Variants in PRPSAP2 observed in about 807,000 individuals in gnomAD.
PRPSAP2 encodes the protein phosphoribosyl pyrophosphate synthetase associated protein 2.
PRPSAP2 carries 24 observed loss-of-function variants against 40.6 expected under a neutral mutation model. That is an observed-to-expected ratio of 0.59 (90% CI 0.43 to 0.83). PRPSAP2 has a LOEUF of 0.83. Ranked by LOEUF, PRPSAP2 falls within the 40% of genes least tolerant of loss-of-function variation. The pLI is 0.00. For missense variants in PRPSAP2, 292 were observed against 465.6 expected (o/e 0.63, Z 3.43); for synonymous variants, 149 against 164.7 (o/e 0.90, Z 0.73).
At position 18,890,484 on chromosome 17, in the gene PRPSAP2, A is replaced by G. The variant is rs879086553; in HGVS notation, c.584+607A>G. Among the ~76,000 whole-genome samples, 7 of 151,862 alleles carry G rather than the reference A, an allele frequency of 4.6e-5. 1 individual carries two copies. Among genetic ancestry groups the G allele is most frequent in the Admixed American group, 3.3e-4 (5 of 15,218 alleles). ...CACACTGGGCCTTATTTTTATTTTT[A>G]ATAGTAGAAACAGAGTTTTGCCATG... On this transcript the variant is annotated intron_variant, in intron 8 of 11. Coordinates refer to ENST00000268835, the MANE Select transcript of PRPSAP2 (RefSeq NM_002767.4).
intron 3 of PRPSAP2, 114 bp from the exon 4 acceptor site, chr17:18,867,165 TAAG>T (rs1390510362): frequency 4.7e-6 from 5 of 1,068,068 alleles, no homozygotes; most frequent in African/African-American, 1.6e-5. Flanking sequence ...TTAAATTTTA[TAAG>T]AAGAATAACT....
At chr17:18,918,074 G>GA (rs566887888) in intron 9 of PRPSAP2, among the ~76,000 whole-genome samples, 16 of 150,810 alleles carry the variant, frequency 1.1e-4, no homozygotes, top group East Asian at 3.9e-4. Flanking sequence ...TAAATAGAGG[G>GA]AAAAAAAAAC....
rs1054665058 is a variant in PRPSAP2, at chr17:18,906,679, T to C, written c.585-4424T>C. ...AAAAGTATATTGAAAATAGGATGAT[T>C]TAAGCATGAGTTTTTTGTGTGTTTG... On this transcript the variant is annotated intron_variant, in intron 8 of 11. Coordinates refer to ENST00000268835, the MANE Select transcript of PRPSAP2 (RefSeq NM_002767.4). Among the ~76,000 whole-genome samples, 9 of 152,040 alleles carry C rather than the reference T, an allele frequency of 5.9e-5. No homozygotes were observed. In the South Asian group the frequency reaches 1.9e-3, roughly 32 times the overall value.
At chr17:18,872,728 A>C in intron 5 of PRPSAP2, 79 bp downstream of exon 5, 1 of 1,160,380 alleles carries the variant, frequency 8.6e-7, no homozygotes, top group South Asian at 1.4e-5. Flanking sequence ...ATGGCTAGCC[A>C]GGAAGAGTTA....
In PRPSAP2 at chr17:18,903,768, A is replaced by G. The variant is rs145210240; in HGVS notation, c.585-7335A>G. ...GTAAAATAAAAAGGTATTGTGAGCA[A>G]GAGCTCTGTCGACATGGCATCAACA... On this transcript the variant is annotated intron_variant, in intron 8 of 11. Transcript: ENST00000268835. 8.5e-5 allele frequency among the ~76,000 whole-genome samples: 13 copies of G among 152,182 alleles called. No homozygotes were observed. The South Asian group carries it at 1.0e-3, about 12-fold the overall frequency.
chr17:18,898,666 C>T (rs111541848), intron 8 of PRPSAP2, among the ~76,000 whole-genome samples: 5 of 152,220 alleles, frequency 3.3e-5, no homozygotes, highest in Non-Finnish European at 7.4e-5. Flanking sequence ...AATTATTTTT[C>T]AAGATTATTT....
intron 8 of PRPSAP2, among the ~76,000 whole-genome samples, chr17:18,890,273 G>A (rs2039461209): frequency 1.3e-5 from 2 of 151,946 alleles, no homozygotes; most frequent in African/African-American, 4.8e-5. Flanking sequence ...GGGTTCAAGC[G>A]ATTCTCCTGC....
At chr17:18,900,146 G>A (rs6502676) in intron 8 of PRPSAP2, among the ~76,000 whole-genome samples, 80,378 of 151,826 alleles carry the variant, frequency 0.53, 21,511 homozygotes, top group Middle Eastern at 0.6. Flanking sequence ...CAGCCTCCCA[G>A]ACTGCTGGGA....
chr17:18,912,096 C>T (rs143232598), intron 9 of PRPSAP2, among the ~76,000 whole-genome samples: 4 of 151,966 alleles, frequency 2.6e-5, no homozygotes, highest in Non-Finnish European at 4.4e-5. Context: ...GCAGGAGAAT[C>T]GCTTGAACCC....
chr17:18,862,262 A>G (rs934542920), intron 1 of PRPSAP2, among the ~76,000 whole-genome samples: 2 of 152,186 alleles, frequency 1.3e-5, no homozygotes, highest in Non-Finnish European at 2.9e-5. Context: ...GGGCTGTTCA[A>G]GCTTCTGTTG....
chr17:18,906,191 C>T (rs372278693), intron 8 of PRPSAP2, among the ~76,000 whole-genome samples: 12 of 152,060 alleles, frequency 7.9e-5, no homozygotes, highest in East Asian at 5.8e-4. Flanking sequence ...TGTTTACTTA[C>T]GTGTGTCTGA....
At chr17:18,866,431 G>A (rs1214831630) in intron 3 of PRPSAP2, among the ~76,000 whole-genome samples, 2 of 152,126 alleles carry the variant, frequency 1.3e-5, no homozygotes, top group Non-Finnish European at 2.9e-5. Flanking sequence ...GGGCGTGGTG[G>A]CGGGCACCTG....
At chr17:18,908,787 G>A in intron 8 of PRPSAP2, 1 of 685,840 alleles carries the variant, frequency 1.5e-6, no homozygotes, top group East Asian at 2.7e-5. Flanking sequence ...AAACGATCAT[G>A]CCAAAAAAAG....
chr17:18,908,211 G>A (rs758131058), intron 8 of PRPSAP2: 28 of 678,236 alleles, frequency 4.1e-5, no homozygotes, highest in South Asian at 6.4e-5. Flanking sequence ...AAGAGGCCAC[G>A]GAGCCAGCGA....
chr17:18,869,331 C>T (rs899752741), intron 4 of PRPSAP2, among the ~76,000 whole-genome samples: 3 of 133,756 alleles, frequency 2.2e-5, no homozygotes, highest in Non-Finnish European at 3.3e-5. Context: ...ATTTTCTTTT[C>T]TTTTCTTTTC....
chr17:18,901,700 T>G (rs1567720934), intron 8 of PRPSAP2, among the ~76,000 whole-genome samples: 2 of 151,446 alleles, frequency 1.3e-5, no homozygotes, highest in Non-Finnish European at 2.9e-5. Flanking sequence ...TTTGTTTGTA[T>G]GTAACATCCA....
chr17:18,884,782 G>A (rs988137076), intron 7 of PRPSAP2, among the ~76,000 whole-genome samples: 1 of 152,200 alleles, frequency 6.6e-6, no homozygotes. Context: ...GCAACCAGCC[G>A]CATGGAGAAA....
chr17:18,874,936 T>G (rs1273101981), intron 5 of PRPSAP2, among the ~76,000 whole-genome samples: 1 of 152,196 alleles, frequency 6.6e-6, no homozygotes, highest in African/African-American at 2.4e-5. Context: ...GCACAGAGGT[T>G]GTGTGGATTA....
At chr17:18,881,494 T>C (rs1361583456) in intron 6 of PRPSAP2, among the ~76,000 whole-genome samples, 2 of 152,120 alleles carry the variant, frequency 1.3e-5, no homozygotes, top group Middle Eastern at 3.4e-3. Context: ...CGCCTCGGCC[T>C]CCCAAAGTGC....
Sources: gnomAD v4.1 joint callset for allele counts (sites outside exome capture counted in the v4.1 genomes callset) on GRCh38, gnomAD v4.1.1 for gene constraint, MANE v1.5 for transcripts, NCBI Gene and HGNC (gene_info 2026-07-23, HGNC 2026-07-21) for gene names.